TPO: variants seen among roughly 807,000 people sequenced by gnomAD.
TPO encodes the protein thyroid peroxidase, also known as thyroid microsomal antigen.
A neutral mutation model predicts 96.9 loss-of-function variants in TPO; 78 were observed. The ratio of observed to expected loss-of-function variants is 0.81; its 90% CI spans 0.67 to 0.97. The LOEUF (loss-of-function observed/expected upper bound fraction) is 0.97. Among genes scored for constraint, TPO ranks in the 50% least tolerant of loss-of-function variants. The pLI, the probability that TPO is intolerant of heterozygous loss-of-function variation, is 0.00. For synonymous variants in TPO, 547 were observed against 538.0 expected, an observed-to-expected ratio of 1.02 and a Z score of -0.23; for missense variants, 1,252 against 1,274.8, an observed-to-expected ratio of 0.98 and a Z score of 0.27.
chr2:1,509,101 G>T (rs188005497), intron 14 of TPO, among the ~76,000 whole-genome samples: 1 of 152,092 alleles, frequency 6.6e-6, no homozygotes, highest in Non-Finnish European at 1.5e-5. Context: ...GTTCTCGTTC[G>T]TTTCAAAGAA....
At chr2:1,530,884 C>T (rs1677983642) in intron 15 of TPO, among the ~76,000 whole-genome samples, 3 of 126,856 alleles carry the variant, frequency 2.4e-5, no homozygotes, top group Non-Finnish European at 5.0e-5. Context: ...CCGCAAATCC[C>T]CCCACTGTGT....
intron 15 of TPO, among the ~76,000 whole-genome samples, chr2:1,537,232 C>G (rs1419493845): frequency 9.6e-6 from 1 of 103,756 alleles, no homozygotes; most frequent in African/African-American, 4.2e-5. Context: ...CCCAAATCCC[C>G]CAACTGTTTC....
intron 13 of TPO, among the ~76,000 whole-genome samples, chr2:1,497,569 C>T (rs1044508982): frequency 6.6e-6 from 1 of 152,172 alleles, no homozygotes; most frequent in African/African-American, 2.4e-5. Context: ...GCCACAAAAC[C>T]TGGACCGCTG....
At chr2:1,438,569 C>T (rs545539718) in intron 5 of TPO, among the ~76,000 whole-genome samples, 1 of 120,664 alleles carries the variant, frequency 8.3e-6, no homozygotes. Flanking sequence ...CCAGGGGCCA[C>T]CCCCCACCCA....
At chr2:1,397,332 C>T (rs1662096355) in intron 1 of TPO, among the ~76,000 whole-genome samples, 2 of 152,176 alleles carry the variant, frequency 1.3e-5, no homozygotes, top group African/African-American at 4.8e-5. Flanking sequence ...AAATCTGAAA[C>T]ATAGGGCATG....
rs142467287 is a variant in TPO at position 1,453,170 on chromosome 2, A to C, written c.483-524A>C. Among the ~76,000 whole-genome samples the C allele has an allele frequency of 3.1e-3, 475 of 152,318 alleles. 1 individual carries two copies. Among genetic ancestry groups the C allele is most frequent in the African/African-American group, 0.011 (445 of 41,574 alleles). On this transcript the variant is annotated intron_variant, in intron 5 of 16. Transcript: ENST00000329066. The stretch of plus-strand genomic sequence containing the variant: ...TTCATTTATTAATGGTTCCTTTGAC[A>C]ACCCGCTCACTTCTGAAATCAGAAA...
rs1672315172 is a variant in TPO, at chr2:1,496,198, G to A, written c.2215+1G>A. On this transcript the variant is annotated splice_donor_variant, in intron 12 of 16. Coordinates refer to ENST00000329066, the MANE Select transcript of TPO (RefSeq NM_001206744.2). LOFTEE classifies it high-confidence loss of function. ...GCCTGGAGGGAAACCTTTCCTCAAG[G>A]TGAAGTTCGGTCTCCTCTCACACCA... The A allele has an allele frequency of 1.9e-6, 3 of 1,613,436 alleles. No homozygotes were observed. Among genetic ancestry groups the A allele is most frequent in the African/African-American group, 2.7e-5 (2 of 74,914 alleles).
chr2:1,541,098 G>C, intron 16 of TPO: 1 of 1,203,126 alleles, frequency 8.3e-7, no homozygotes, highest in Non-Finnish European at 1.1e-6. Context: ...AATCAGTGTG[G>C]AAAAATGTGT....
At chr2:1,531,143 C>G (rs62117040) in intron 15 of TPO, among the ~76,000 whole-genome samples, 1 of 59,052 alleles carries the variant, frequency 1.7e-5, no homozygotes, top group African/African-American at 6.2e-5. Flanking sequence ...AAACCCCCCA[C>G]TGTGTGCAAC....
intron 7 of TPO, among the ~76,000 whole-genome samples, chr2:1,475,632 C>T (rs1212522296): frequency 3.3e-5 from 5 of 152,066 alleles, no homozygotes; most frequent in African/African-American, 9.7e-5. Flanking sequence ...ACTGTGTTAG[C>T]CAGGATGGTC....
chr2:1,453,913 T>G, intron 6 of TPO, 90 bp downstream of exon 6: 1 of 1,570,254 alleles, frequency 6.4e-7, no homozygotes, highest in Non-Finnish European at 8.7e-7. Context: ...TTCTTGCTCG[T>G]GCTGGGTGCT....
At chr2:1,375,238 C>T (rs1450006771) in intron 1 of TPO, among the ~76,000 whole-genome samples, 6 of 150,216 alleles carry the variant, frequency 4.0e-5, no homozygotes, top group East Asian at 2.0e-4. Flanking sequence ...TCGACTCAGA[C>T]CTACACTGGC....
chr2:1,513,812 T>C, intron 14 of TPO, among the ~76,000 whole-genome samples: 1 of 152,176 alleles, frequency 6.6e-6, no homozygotes, highest in East Asian at 1.9e-4. Flanking sequence ...ATACTGATTG[T>C]GGGTATATAT....
chr2:1,484,381 G>A (rs539584415), intron 8 of TPO, among the ~76,000 whole-genome samples: 1 of 152,170 alleles, frequency 6.6e-6, no homozygotes, highest in Admixed American at 6.5e-5. Context: ...TGGGAAGGAG[G>A]CTCTCTAGTC....
chr2:1,403,501 C>A (rs1403185445), intron 1 of TPO, among the ~76,000 whole-genome samples: 2 of 152,196 alleles, frequency 1.3e-5, no homozygotes, highest in Non-Finnish European at 2.9e-5. Flanking sequence ...AGCAGTGGTG[C>A]CTGCTGTGTC....
At chr2:1,540,131 CG>C (rs1680560826) in intron 15 of TPO, among the ~76,000 whole-genome samples, 1 of 152,178 alleles carries the variant, frequency 6.6e-6, no homozygotes, top group Non-Finnish European at 1.5e-5. Context: ...TCTGGGACGG[CG>C]CTTCCTCCCC....
At chr2:1,477,632 G>C in intron 8 of TPO, 28 bp downstream of exon 8, 3 of 1,465,430 alleles carry the variant, frequency 2.0e-6, no homozygotes, top group Non-Finnish European at 2.7e-6. Context: ...GGGCGCCCTG[G>C]GTGGCTGCGG....
chr2:1,424,443 A>G (rs1422224462), intron 3 of TPO, among the ~76,000 whole-genome samples: 3 of 152,176 alleles, frequency 2.0e-5, no homozygotes, highest in Non-Finnish European at 1.5e-5. Flanking sequence ...CCAGCTTTTC[A>G]GGCTAACTTT....
At chr2:1,531,102 C>T (rs1460023258) in intron 15 of TPO, among the ~76,000 whole-genome samples, 23 of 84,876 alleles carry the variant, frequency 2.7e-4, no homozygotes, top group Middle Eastern at 8.3e-3. Flanking sequence ...TGCAACCTCC[C>T]CAAATCCCCC....
Sources: allele counts gnomAD v4.1 joint callset (sites outside exome capture counted in the v4.1 genomes callset), GRCh38; gene constraint gnomAD v4.1.1; transcripts MANE v1.5; gene names NCBI Gene and HGNC (gene_info 2026-07-23, HGNC 2026-07-21).